Variants in OSBPL9 observed in about 807,000 individuals in gnomAD.
The protein encoded by OSBPL9 is oxysterol binding protein like 9.
Under a neutral mutation model 106.6 loss-of-function variants are expected in OSBPL9, and 40 were observed. The observed-to-expected ratio is 0.38, with a 90% CI of 0.29 to 0.49. OSBPL9 has a LOEUF of 0.49. OSBPL9 is among the 20% of genes least tolerant of loss of function. OSBPL9 has a pLI of 0.97. For missense variants in OSBPL9, 609 were observed against 887.2 expected (o/e 0.69, Z 3.98); for synonymous variants, 269 against 295.4 (o/e 0.91, Z 0.92).
intron 8 of OSBPL9, among the ~76,000 whole-genome samples, chr1:51,752,971 A>G (rs1669584277): frequency 6.6e-6 from 1 of 152,192 alleles, no homozygotes; most frequent in African/African-American, 2.4e-5. Flanking sequence ...CAGTGCCTAC[A>G]GTTGCTTACC....
chr1:51,695,594 A>G (rs897213177), intron 3 of OSBPL9, among the ~76,000 whole-genome samples: 34 of 152,206 alleles, frequency 2.2e-4, no homozygotes, highest in African/African-American at 7.5e-4. Context: ...TTATTCCTTA[A>G]GAAGAACTTT....
intron 1 of OSBPL9, among the ~76,000 whole-genome samples, chr1:51,585,489 A>G (rs1009878469): frequency 6.6e-6 from 1 of 152,172 alleles, no homozygotes; most frequent in African/African-American, 2.4e-5. Flanking sequence ...TATCAAAAAT[A>G]AAGTTCAGCC....
chr1:51,562,339 T>A, the OSBPL9 span, among the ~76,000 whole-genome samples: 1 of 152,278 alleles, frequency 6.6e-6, no homozygotes, highest in Non-Finnish European at 1.5e-5. Context: ...TCCCACCGTG[T>A]GAGAAACCCT....
At chr1:51,780,017 G>T (rs2149136364) in intron 15 of OSBPL9, among the ~76,000 whole-genome samples, 1 of 151,604 alleles carries the variant, frequency 6.6e-6, no homozygotes, top group African/African-American at 2.4e-5. Flanking sequence ...GGTGGAGCTT[G>T]CAGTGAGCCA....
the OSBPL9 span, among the ~76,000 whole-genome samples, chr1:51,532,842 C>T: frequency 6.6e-6 from 1 of 152,040 alleles, no homozygotes; most frequent in South Asian, 2.1e-4. Flanking sequence ...ATATTAGGAT[C>T]ACTGGATTAT....
At chr1:51,776,940 T>C (rs761864126) in intron 15 of OSBPL9, 22 bp downstream of exon 15, 4 of 1,551,778 alleles carry the variant, frequency 2.6e-6, no homozygotes, top group Non-Finnish European at 3.6e-6. Flanking sequence ...AACATGGTAG[T>C]TTCCAACGTT....
At chr1:51,641,059 A>G (rs1167380581) in intron 1 of OSBPL9, among the ~76,000 whole-genome samples, 2 of 152,110 alleles carry the variant, frequency 1.3e-5, no homozygotes, top group Non-Finnish European at 2.9e-5. Context: ...AAATGCTGAA[A>G]TTACAGGTGT....
At chr1:51,616,899 T>C, upstream of OSBPL9, 1 of 734,200 alleles carries the variant, frequency 1.4e-6, no homozygotes, top group Non-Finnish European at 2.1e-6. Flanking sequence ...AATAGCAGTA[T>C]TCACGTTTGC....
intron 8 of OSBPL9, chr1:51,752,826 C>T (rs1669553364): frequency 4.0e-6 from 1 of 247,612 alleles, no homozygotes; most frequent in African/African-American, 2.2e-5. Flanking sequence ...AGGGCCCCAC[C>T]CTTATGATCC....
intron 4 of OSBPL9, among the ~76,000 whole-genome samples, chr1:51,726,444 AT>A (rs1450886874): frequency 1.3e-5 from 2 of 151,874 alleles, no homozygotes. Context: ...CTACCAAAGC[AT>A]TTTTCATCTG....
At chr1:51,538,146 G>T in the OSBPL9 span, among the ~76,000 whole-genome samples, 5 of 152,046 alleles carry the variant, frequency 3.3e-5, no homozygotes, top group Admixed American at 2.6e-4. Flanking sequence ...ACAAAATTTA[G>T]CCGGGCATGG....
the OSBPL9 span, chr1:51,569,778 G>A: frequency 6.6e-6 from 1 of 152,172 alleles, no homozygotes. Flanking sequence ...AGAGTCTTCA[G>A]GCTTAAATAC....
chr1:51,639,822 T>G (rs1310973962), intron 1 of OSBPL9, among the ~76,000 whole-genome samples: 9 of 134,362 alleles, frequency 6.7e-5, no homozygotes, highest in East Asian at 6.3e-4. Context: ...AGTTGTTTTT[T>G]TTTTTTTTTT....
rs549035892 is a variant in OSBPL9, at chr1:51,763,562, T to C, written c.778+1591T>C. Among the ~76,000 whole-genome samples the C allele has an allele frequency of 2.1e-4, 32 of 152,248 alleles. No homozygotes were observed. In the South Asian group the frequency reaches 6.6e-3, roughly 32 times the overall value. ...CCTCAGATTTTTTTCCCGGGTAGGA[T>C]TTTTCCTGTGTAATGATGAATAATT... On this transcript the variant is annotated intron_variant, in intron 11 of 23. Transcript: ENST00000428468.
chr1:51,767,131 T>C (rs1672732497), intron 12 of OSBPL9, among the ~76,000 whole-genome samples: 1 of 151,940 alleles, frequency 6.6e-6, no homozygotes, highest in Non-Finnish European at 1.5e-5. Context: ...TGGTGGCTTA[T>C]GCCCCTAATC....
intron 4 of OSBPL9, among the ~76,000 whole-genome samples, chr1:51,718,948 T>C (rs190988193): frequency 1.4e-4 from 21 of 152,354 alleles, no homozygotes; most frequent in Admixed American, 3.9e-4. Flanking sequence ...TTGCAGATTG[T>C]GACCTAATTC....
chr1:51,682,238 ATTATTT>A (rs1652727084), intron 3 of OSBPL9, among the ~76,000 whole-genome samples: 1 of 152,054 alleles, frequency 6.6e-6, no homozygotes, highest in Non-Finnish European at 1.5e-5. Flanking sequence ...CTGTTGTATT[ATTATTT>A]TTAATTGTTT....
intron 1 of OSBPL9, among the ~76,000 whole-genome samples, chr1:51,640,385 T>C (rs1172749313): frequency 2.0e-5 from 3 of 152,224 alleles, no homozygotes; most frequent in African/African-American, 4.8e-5. Flanking sequence ...TGAACTAATC[T>C]TCTAAAAGCT....
At chr1:51,721,693 T>G (rs1013805307) in intron 4 of OSBPL9, among the ~76,000 whole-genome samples, 1 of 152,226 alleles carries the variant, frequency 6.6e-6, no homozygotes, top group Non-Finnish European at 1.5e-5. Context: ...AAGGATCGGT[T>G]TATCACAACT....
Sources: gnomAD v4.1 joint callset for allele counts (sites outside exome capture counted in the v4.1 genomes callset) on GRCh38, gnomAD v4.1.1 for gene constraint, MANE v1.5 for transcripts, NCBI Gene and HGNC (gene_info 2026-07-23, HGNC 2026-07-21) for gene names.